Variants in CEP112 observed in about 807,000 individuals in gnomAD.
The protein encoded by CEP112 is centrosomal protein 112.
A neutral mutation model predicts 153.0 loss-of-function variants in CEP112; 127 were observed. The observed-to-expected ratio is 0.83, with a 90% CI of 0.72 to 0.96. The LOEUF (loss-of-function observed/expected upper bound fraction) is 0.96, where lower values mean the gene tolerates loss of function less well. Among genes scored for constraint, CEP112 ranks in the 40% least tolerant of loss-of-function variants. CEP112 has a pLI of 0.00. For missense variants in CEP112, 1,089 were observed against 1,101.2 expected (o/e 0.99, Z 0.16); for synonymous variants, 358 against 374.4 (o/e 0.96, Z 0.51).
intron 18 of CEP112, among the ~76,000 whole-genome samples, chr17:65,932,482 T>C (rs867971518): frequency 1.3e-5 from 2 of 152,104 alleles, no homozygotes; most frequent in Admixed American, 1.3e-4. Context: ...AGATCACGGA[T>C]GTATTAGTTT....
intron 20 of CEP112, among the ~76,000 whole-genome samples, chr17:65,866,504 C>A (rs1244543581): frequency 6.6e-6 from 1 of 152,198 alleles, no homozygotes; most frequent in African/African-American, 2.4e-5. Context: ...CAGGGAGGGA[C>A]TGAAGCCTGG....
intron 18 of CEP112, among the ~76,000 whole-genome samples, chr17:65,931,551 C>T (rs1439263192): frequency 1.3e-5 from 2 of 152,210 alleles, no homozygotes; most frequent in Non-Finnish European, 2.9e-5. Context: ...GCTAGAACAT[C>T]TGAGATCAGC....
intron 1 of CEP112, among the ~76,000 whole-genome samples, chr17:66,185,414 G>A (rs1367019317): frequency 6.6e-6 from 1 of 152,066 alleles, no homozygotes; most frequent in Non-Finnish European, 1.5e-5. Flanking sequence ...GTAGAGATGG[G>A]GTTTCACCAT....
chr17:65,872,178 A>G (rs1030743737), intron 20 of CEP112, among the ~76,000 whole-genome samples: 1 of 152,136 alleles, frequency 6.6e-6, no homozygotes, highest in Non-Finnish European at 1.5e-5. Flanking sequence ...CCTTTTCAAC[A>G]TTTAAAATTA....
At chr17:65,759,872 A>G (rs2052506585) in intron 21 of CEP112, among the ~76,000 whole-genome samples, 1 of 152,170 alleles carries the variant, frequency 6.6e-6, no homozygotes, top group Non-Finnish European at 1.5e-5. Context: ...ACCCCGATAA[A>G]TCTGTTGTAA....
chr17:65,970,472 GTATATTACATGCATGCACAC>G lies in CEP112; in HGVS notation c.1737-8894_1737-8875del, dbSNP rs2062680491. On this transcript the variant is annotated intron_variant, in intron 17 of 26. Coordinates refer to ENST00000535342, the MANE Select transcript of CEP112 (RefSeq NM_001199165.4). ...ATATTACATGCATGCACACATGCAT[GTATATTACATGCATGCACAC>G]TACATGCATATTATATGCATGCATA... 5.1e-5 allele frequency among the ~76,000 whole-genome samples: 3 copies of G among 59,090 alleles called. No individual in the cohort carries two copies. The South Asian group carries it at 3.3e-3, about 66-fold the overall frequency. The allele number at this position is 59,090 out of a possible 152,430, so 38.8% of individuals were successfully genotyped here.
intron 18 of CEP112, among the ~76,000 whole-genome samples, chr17:65,931,638 C>T (rs1204050326): frequency 6.6e-6 from 1 of 152,232 alleles, no homozygotes; most frequent in African/African-American, 2.4e-5. Flanking sequence ...CCAGAGAGAA[C>T]AACAAATAGC....
intron 24 of CEP112, among the ~76,000 whole-genome samples, chr17:65,666,364 T>C (rs1230849128): frequency 6.6e-6 from 1 of 152,176 alleles, no homozygotes; most frequent in African/African-American, 2.4e-5. Context: ...TCATACAATG[T>C]CTACCTCATG....
chr17:66,000,516 T>C (rs1241350485), intron 17 of CEP112, among the ~76,000 whole-genome samples: 3 of 148,518 alleles, frequency 2.0e-5, no homozygotes, highest in Non-Finnish European at 4.5e-5. Flanking sequence ...AAGGATAACC[T>C]TTTGCATTAC....
chr17:65,752,378 G>A (rs2051933804), intron 21 of CEP112, among the ~76,000 whole-genome samples: 1 of 152,156 alleles, frequency 6.6e-6, no homozygotes, highest in African/African-American at 2.4e-5. Flanking sequence ...CATCTGACTG[G>A]ATTTCCCTCT....
chr17:65,765,186 T>G (rs1408915653), intron 21 of CEP112, among the ~76,000 whole-genome samples: 1 of 137,188 alleles, frequency 7.3e-6, no homozygotes, highest in African/African-American at 2.9e-5. Flanking sequence ...AATTTCTCAT[T>G]CAGATCATAA....
chr17:65,740,940 T>G (rs2051096944), intron 23 of CEP112, among the ~76,000 whole-genome samples: 1 of 152,216 alleles, frequency 6.6e-6, no homozygotes, highest in South Asian at 2.1e-4. Context: ...AGGTTCATTT[T>G]GGCACTTGGT....
chr17:65,786,810 T>A (rs910481885), intron 21 of CEP112, among the ~76,000 whole-genome samples: 2 of 152,122 alleles, frequency 1.3e-5, no homozygotes. Context: ...GGTCTCAAAC[T>A]TTTAGGCTCA....
chr17:66,027,234 A>G (rs2065251273), intron 16 of CEP112, among the ~76,000 whole-genome samples: 1 of 152,066 alleles, frequency 6.6e-6, no homozygotes, highest in Non-Finnish European at 1.5e-5. Flanking sequence ...AAAATTGGCT[A>G]GGCATGGTGG....
intron 20 of CEP112, among the ~76,000 whole-genome samples, chr17:65,879,004 T>C (rs2058953970): frequency 6.6e-6 from 1 of 152,040 alleles, no homozygotes; most frequent in Non-Finnish European, 1.5e-5. Context: ...CAGGGAGAGA[T>C]ATATTGGGAG....
chr17:65,930,922 C>A (rs1427140449), intron 18 of CEP112, among the ~76,000 whole-genome samples: 1 of 151,904 alleles, frequency 6.6e-6, no homozygotes, highest in Admixed American at 6.6e-5. Context: ...CTAAGGTGTT[C>A]TTTAATCCCA....
intron 4 of CEP112, among the ~76,000 whole-genome samples, chr17:66,153,499 C>T (rs1473104504): frequency 6.6e-6 from 1 of 150,568 alleles, no homozygotes; most frequent in African/African-American, 2.4e-5. Flanking sequence ...TAATTGCTTG[C>T]CTGGGGCTCT....
chr17:65,665,452 C>T (rs531669585), intron 24 of CEP112, among the ~76,000 whole-genome samples: 55 of 152,226 alleles, frequency 3.6e-4, no homozygotes, highest in Non-Finnish European at 6.0e-4. Flanking sequence ...CTCTAGGTCT[C>T]TGCTAGAATT....
chr17:66,177,162 T>C (rs921922291), intron 2 of CEP112, 142 bp from the exon 3 acceptor site: 6 of 613,468 alleles, frequency 9.8e-6, no homozygotes, highest in Non-Finnish European at 1.6e-5. Flanking sequence ...GTATATACTT[T>C]AGGCTTCACA....
Sources: allele counts gnomAD v4.1 joint callset (sites outside exome capture counted in the v4.1 genomes callset), GRCh38; gene constraint gnomAD v4.1.1; transcripts MANE v1.5; gene names NCBI Gene and HGNC (gene_info 2026-07-23, HGNC 2026-07-21).